The following GRIN3A variants were observed in gnomAD, a reference collection of about 807,000 sequenced individuals.
GRIN3A encodes the protein glutamate receptor ionotropic, NMDA 3A.
A neutral mutation model predicts 92.4 loss-of-function variants in GRIN3A; 47 were observed. The ratio of observed to expected loss-of-function variants is 0.51; its 90% CI spans 0.40 to 0.65. The LOEUF (loss-of-function observed/expected upper bound fraction) is 0.65, where lower values mean the gene tolerates loss of function less well. GRIN3A is among the 30% of genes least tolerant of loss of function. GRIN3A has a pLI of 0.00. For missense variants in GRIN3A, 1,324 were observed against 1,393.1 expected (o/e 0.95, Z 0.79); for synonymous variants, 527 against 540.6 (o/e 0.97, Z 0.35).
At chr9:101,642,963 T>C (rs1023277772) in intron 3 of GRIN3A, among the ~76,000 whole-genome samples, 8 of 152,118 alleles carry the variant, frequency 5.3e-5, no homozygotes, top group Non-Finnish European at 7.4e-5. Context: ...ATGAGTTGTG[T>C]ATCATAATGT....
At chr9:101,690,942 G>C (rs1475703053) in intron 1 of GRIN3A, among the ~76,000 whole-genome samples, 1 of 151,980 alleles carries the variant, frequency 6.6e-6, no homozygotes, top group Non-Finnish European at 1.5e-5. Flanking sequence ...CCATTAAAGA[G>C]CTAAAAGTAC....
chr9:101,705,050 C>T (rs1829795834), intron 1 of GRIN3A, among the ~76,000 whole-genome samples: 1 of 152,074 alleles, frequency 6.6e-6, no homozygotes, highest in Non-Finnish European at 1.5e-5. Flanking sequence ...TAGAGAAGGG[C>T]TAGGTCCCTG....
chr9:101,689,924 G>C (rs1255563566), intron 1 of GRIN3A, among the ~76,000 whole-genome samples: 2 of 152,156 alleles, frequency 1.3e-5, no homozygotes, highest in African/African-American at 4.8e-5. Context: ...AAAAGAGCAA[G>C]CTCATGGCCT....
At position 101,670,659 on chromosome 9, in the gene GRIN3A, C is replaced by G; in HGVS notation, c.1753G>C (p.Glu585Gln). Residue 585 changes from glutamate to glutamine, a missense_variant, in exon 3 of 9, where the codon GAA (glutamate) becomes CAA (glutamine). Transcript: ENST00000361820. ...AAGTTCATGTCTTCTGCTATCTTTT[C>G]CAGCAGATCAATGCAATATCCATAG... is the stretch of plus-strand genomic sequence containing the variant. The part of the protein sequence containing the change: ...CCYGYCIDLL[E>Q]KIAEDMNFDF... 6.2e-7 allele frequency: 1 copy of G among 1,613,882 alleles called. No individual in the cohort carries two copies. The highest frequency in any genetic ancestry group is 8.5e-7 in the Non-Finnish European group (1 of 1,179,818).
At chr9:101,667,910 C>A (rs915192557) in intron 3 of GRIN3A, among the ~76,000 whole-genome samples, 1 of 151,982 alleles carries the variant, frequency 6.6e-6, no homozygotes, top group Admixed American at 6.6e-5. Context: ...AGATATTTTA[C>A]CGTAGAAACA....
Position 101,628,277 on chromosome 9 carries a change from G to C in GRIN3A, c.2477C>G (p.Pro826Arg), listed in dbSNP as rs980253043. Residue 826 changes from proline to arginine, a missense_variant, in exon 4 of 9, where the codon CCT (proline) becomes CGT (arginine). Transcript: ENST00000361820. ...YMRRYNVPAT[P>R]DGVEYLKNDP... ...TCACTTCAGATACTCCACTCCATCA[G>C]GGGTGGCTGGAACATTGTACCTTCT... 1 of 1,613,932 alleles carries C rather than the reference G, an allele frequency of 6.2e-7. No individual in the cohort carries two copies. Among genetic ancestry groups the C allele is most frequent in the South Asian group, 1.1e-5 (1 of 91,064 alleles).
In GRIN3A at chr9:101,670,871, T is replaced by G; in HGVS notation, c.1541A>C (p.His514Pro). Residue 514 changes from histidine to proline, a missense_variant, in exon 3 of 9, where the codon CAC (histidine) becomes CCC (proline). Transcript: ENST00000361820. ...CTCAATCAGGGTAACCACTCTCAAG[T>G]GTAGCTTACTTGGATGTTGGAAGTG... ...KTHFQHPSKL[H>P]LRVVTLIEHP... 1 of 1,612,738 alleles carries G rather than the reference T, an allele frequency of 6.2e-7. No homozygotes were observed. The highest frequency in any genetic ancestry group is 8.5e-7 in the Non-Finnish European group (1 of 1,178,986).
At chr9:101,595,038 C>G in intron 6 of GRIN3A, 146 of 878,238 alleles carry the variant, frequency 1.7e-4, no homozygotes, top group Middle Eastern at 4.7e-4. Context: ...AGAGGGCTCC[C>G]GGGGGCCCTG....
intron 6 of GRIN3A, among the ~76,000 whole-genome samples, chr9:101,579,869 G>A (rs144806962): frequency 1.8e-4 from 27 of 152,244 alleles, no homozygotes; most frequent in Admixed American, 8.5e-4. Flanking sequence ...TGCAGTTTCA[G>A]TGTGACAGCT....
rs1421749848 is a variant in GRIN3A, at chr9:101,628,445, A to G, written c.2353-44T>C. The G allele has an allele frequency of 1.9e-6, 3 of 1,580,210 alleles. No homozygotes were observed. The African/African-American group carries it at 4.1e-5, about 21-fold the overall frequency. On this transcript the variant is annotated intron_variant, in intron 3 of 8. Transcript: ENST00000361820. ...AATGGCTTAAATAAAAATTATTCTT[A>G]GAAGTGTTTTTTAACATTTTTTTCA...
rs1483963504 is a variant in GRIN3A at position 101,641,625 on chromosome 9, T to C, written c.2353-13224A>G. On this transcript the variant is annotated intron_variant, in intron 3 of 8. Transcript: ENST00000361820. ...AAGGGGAACATCACACTCTGGGGAC[T>C]GTTGTGGGGTGGGGGGAGAGGGGAG... 8.6e-5 allele frequency among the ~76,000 whole-genome samples: 13 copies of C among 150,314 alleles called. No individual in the cohort carries two copies. In the East Asian group the frequency reaches 2.6e-3, roughly 30 times the overall value.
rs762645619 is a variant in GRIN3A at position 101,623,314 on chromosome 9, A to C, written c.2614+4T>G. 1 of 1,588,046 alleles carries C rather than the reference A, an allele frequency of 6.3e-7. No individual in the cohort carries two copies. The highest frequency in any genetic ancestry group is 2.2e-5 in the East Asian group (1 of 44,742). On this transcript the variant is annotated splice_donor_region_variant and intron_variant, in intron 5 of 8. Transcript: ENST00000361820. ...AAAGTGAATCAAGAGTGACTGATTA[A>C]TACCTTCTATGGCAAATGGCTTCCC...
chr9:101,686,357 C>T (rs562133914), intron 2 of GRIN3A, among the ~76,000 whole-genome samples: 1 of 152,140 alleles, frequency 6.6e-6, no homozygotes, highest in African/African-American at 2.4e-5. Flanking sequence ...AGAAGCTAAA[C>T]CAAGGTTTAA....
At chr9:101,734,269 AT>A (rs1321579778) in intron 1 of GRIN3A, among the ~76,000 whole-genome samples, 21 of 152,350 alleles carry the variant, frequency 1.4e-4, no homozygotes, top group African/African-American at 5.0e-4. Flanking sequence ...TTAGGTTCAT[AT>A]TCAGCATCAT....
intron 1 of GRIN3A, among the ~76,000 whole-genome samples, chr9:101,712,218 C>T (rs1812576357): frequency 6.6e-6 from 1 of 152,210 alleles, no homozygotes; most frequent in Non-Finnish European, 1.5e-5. Context: ...TAAAATTTCA[C>T]TCTTCAAATA....
chr9:101,693,372 T>C (rs1026468894), intron 1 of GRIN3A, among the ~76,000 whole-genome samples: 8 of 151,676 alleles, frequency 5.3e-5, no homozygotes, highest in Non-Finnish European at 8.8e-5. Flanking sequence ...TGAGTCAAGA[T>C]TGTGCCACTG....
chr9:101,736,589 G>C (rs1161681167), intron 1 of GRIN3A, among the ~76,000 whole-genome samples: 4 of 152,054 alleles, frequency 2.6e-5, no homozygotes, highest in African/African-American at 9.7e-5. Flanking sequence ...TAGAAGGAAA[G>C]TAGGGACAAA....
chr9:101,596,947 A>G (rs534941488), intron 6 of GRIN3A, among the ~76,000 whole-genome samples: 1 of 152,350 alleles, frequency 6.6e-6, no homozygotes, highest in South Asian at 2.1e-4. Flanking sequence ...ACAGCAGAAC[A>G]TTAAACCAAG....
At chr9:101,636,134 C>A (rs541239903) in intron 3 of GRIN3A, among the ~76,000 whole-genome samples, 1 of 152,290 alleles carries the variant, frequency 6.6e-6, no homozygotes, top group African/African-American at 2.4e-5. Context: ...CTGCCTGCTT[C>A]GGCCTCCCAA....
Sources: allele counts gnomAD v4.1 joint callset (sites outside exome capture counted in the v4.1 genomes callset), GRCh38; gene constraint gnomAD v4.1.1; transcripts MANE v1.5; gene names NCBI Gene and HGNC (gene_info 2026-07-23, HGNC 2026-07-21).